The following DLC1 variants were observed in gnomAD, a reference collection of about 807,000 sequenced individuals.
The protein encoded by DLC1 is rho GTPase-activating protein 7.
In DLC1, 54 loss-of-function variants were observed where a neutral mutation model predicts 140.3. The ratio of observed to expected loss-of-function variants is 0.38; its 90% CI spans 0.31 to 0.48. DLC1 has a LOEUF of 0.48. Among genes scored for constraint, DLC1 ranks in the 20% least tolerant of loss-of-function variants. The pLI, the probability that DLC1 is intolerant of heterozygous loss-of-function variation, is 0.96. For missense variants in DLC1, 2,536 were observed against 1,907.0 expected, an observed-to-expected ratio of 1.33 and a Z score of -6.14; for synonymous variants, 986 against 728.1, an observed-to-expected ratio of 1.35 and a Z score of -5.70.
chr8:13,487,419 A>G (rs995091104), intron 2 of DLC1, among the ~76,000 whole-genome samples: 43 of 152,288 alleles, frequency 2.8e-4, no homozygotes, highest in African/African-American at 1.0e-3. Context: ...AAATTTATAC[A>G]ATAATGGTAA....
intron 2 of DLC1, among the ~76,000 whole-genome samples, chr8:13,460,025 C>G (rs913713844): frequency 6.6e-6 from 1 of 152,052 alleles, no homozygotes; most frequent in Non-Finnish European, 1.5e-5. Context: ...TTCATCTTGC[C>G]CCCTCTGAAA....
chr8:13,127,989 G>T (rs1369818396), intron 5 of DLC1, among the ~76,000 whole-genome samples: 2 of 151,682 alleles, frequency 1.3e-5, no homozygotes, highest in African/African-American at 2.4e-5. Context: ...GTAGAGAAAT[G>T]TATAAAATGA....
chr8:13,511,854 A>G (rs536163329), intron 1 of DLC1, among the ~76,000 whole-genome samples: 39 of 152,252 alleles, frequency 2.6e-4, no homozygotes, highest in African/African-American at 8.9e-4. Flanking sequence ...TCATTTTTCA[A>G]GAGGAAACAA....
At chr8:13,492,745 G>T (rs148197823) in intron 2 of DLC1, among the ~76,000 whole-genome samples, 1 of 152,110 alleles carries the variant, frequency 6.6e-6, no homozygotes, top group African/African-American at 2.4e-5. Context: ...TTTACCAGAC[G>T]CTATACCTAG....
At chr8:13,558,436 C>T (rs572012329) in intron 1 of DLC1, 1 of 152,242 alleles carries the variant, frequency 6.6e-6, no homozygotes, top group South Asian at 2.1e-4. Context: ...TGATACACCT[C>T]AAGTTTGAGA....
At chr8:13,188,844 T>TATATATATATA (rs1491498157) in intron 5 of DLC1, among the ~76,000 whole-genome samples, 1 of 25,840 alleles carries the variant, frequency 3.9e-5, no homozygotes, top group Non-Finnish European at 8.2e-5. Flanking sequence ...TATATATATA[T>TATATATATATA]TTTTTTTTTT....
At chr8:13,133,480 G>T (rs1415615702) in intron 5 of DLC1, 70 of 172,174 alleles carry the variant, frequency 4.1e-4, no homozygotes, top group African/African-American at 2.3e-3. Context: ...GCCTCAGGCC[G>T]CCCTCTAGCC....
At chr8:13,399,410 G>T (rs937170164) in intron 3 of DLC1, among the ~76,000 whole-genome samples, 9 of 152,196 alleles carry the variant, frequency 5.9e-5, no homozygotes, top group African/African-American at 1.9e-4. Context: ...CTCTCCGTCA[G>T]TGTGAACACA....
chr8:13,104,167 G>A (rs1001133385), intron 7 of DLC1, among the ~76,000 whole-genome samples: 1 of 152,056 alleles, frequency 6.6e-6, no homozygotes, highest in Non-Finnish European at 1.5e-5. Flanking sequence ...ATCATTTAAA[G>A]AATTTGCGTA....
chr8:13,282,282 C>T (rs572822109), intron 5 of DLC1, among the ~76,000 whole-genome samples: 6 of 152,258 alleles, frequency 3.9e-5, no homozygotes, highest in Non-Finnish European at 8.8e-5. Context: ...ATTTCTTTTC[C>T]ACTCTCTGCA....
At chr8:13,156,468 C>T (rs577974959) in intron 5 of DLC1, among the ~76,000 whole-genome samples, 1 of 152,092 alleles carries the variant, frequency 6.6e-6, no homozygotes, top group African/African-American at 2.4e-5. Context: ...TGTGAGTTGC[C>T]CTGATGAAAA....
chr8:13,600,089 G>A (rs1237847293), intron 1 of DLC1, among the ~76,000 whole-genome samples: 3 of 151,872 alleles, frequency 2.0e-5, no homozygotes, highest in African/African-American at 7.2e-5. Flanking sequence ...TCATTAGAAA[G>A]CAATAGGAAA....
chr8:13,486,310 A>G (rs1392926163), intron 2 of DLC1, among the ~76,000 whole-genome samples: 5 of 152,172 alleles, frequency 3.3e-5, no homozygotes, highest in East Asian at 1.9e-4. Context: ...TTTTGTCAGC[A>G]TATACCTGAA....
At chr8:13,410,732 G>A (rs910522973) in intron 2 of DLC1, among the ~76,000 whole-genome samples, 6 of 151,968 alleles carry the variant, frequency 3.9e-5, no homozygotes, top group African/African-American at 1.4e-4. Context: ...GGAGAGGAAA[G>A]TTCCAACATA....
At chr8:13,150,748 G>C (rs531983461) in intron 5 of DLC1, among the ~76,000 whole-genome samples, 1 of 152,312 alleles carries the variant, frequency 6.6e-6, no homozygotes, top group South Asian at 2.1e-4. Context: ...CAAAAACTCA[G>C]ATAAAGGCTT....
At chr8:13,412,149 C>A (rs1837808268) in intron 2 of DLC1, among the ~76,000 whole-genome samples, 1 of 152,036 alleles carries the variant, frequency 6.6e-6, no homozygotes, top group Admixed American at 6.6e-5. Flanking sequence ...TTGGTCAAAG[C>A]ATATAAAGAG....
chr8:13,331,068 G>A (rs1729098), intron 4 of DLC1, among the ~76,000 whole-genome samples: 130,259 of 152,176 alleles, frequency 0.86, 56,166 homozygotes, highest in East Asian at 0.95. Context: ...TTTATGATTC[G>A]CCCAGAGCCA....
chr8:13,413,256 A>ATTTTTTTT lies in DLC1; in HGVS notation c.1024-11645_1024-11638dup, dbSNP rs58038503. 3.7e-3 allele frequency among the ~76,000 whole-genome samples: 305 copies of ATTTTTTTT among 81,980 alleles called. 50 individuals are homozygous for ATTTTTTTT. Among genetic ancestry groups the ATTTTTTTT allele is most frequent in the South Asian group, 0.03 (61 of 2,034 alleles). 53.8% of individuals were successfully genotyped at this position (81,980 alleles called of 152,430 possible). ...TAAAACATTATGAGATTTTTTTGCG[A>ATTTTTTTT]TTTTTTTTTTTTTTTTTTTTTAGCT... On this transcript the variant is annotated intron_variant, in intron 2 of 17. Transcript: ENST00000276297.
At position 13,545,008 on chromosome 8, in the gene DLC1, C is replaced by T. The variant is rs538827491; in HGVS notation, c.-125-44812G>A. Among the ~76,000 whole-genome samples the T allele has an allele frequency of 2.8e-3, 429 of 152,250 alleles. 4 individuals carry two copies. The highest frequency in any genetic ancestry group is 9.8e-3 in the African/African-American group (406 of 41,548). ...CCTGGAACTGTGCAGTACTGCAGCC[C>T]TGTCCACAGGGGCTGGGTTTTTGTT... On this transcript the variant is annotated intron_variant, in intron 1 of 1. Coordinates refer to the DLC1 transcript ENST00000631382.
Sources: allele counts gnomAD v4.1 joint callset (sites outside exome capture counted in the v4.1 genomes callset), GRCh38; gene constraint gnomAD v4.1.1; transcripts MANE v1.5; gene names NCBI Gene and HGNC (gene_info 2026-07-23, HGNC 2026-07-21).